The following CLIP2 variants were observed in gnomAD, a reference collection of about 807,000 sequenced individuals.
The protein encoded by CLIP2 is CAP-Gly domain-containing linker protein 2.
CLIP2 carries 41 observed loss-of-function variants against 111.7 expected under a neutral mutation model. The ratio of observed to expected loss-of-function variants is 0.37; its 90% confidence interval spans 0.29 to 0.48. The LOEUF (loss-of-function observed/expected upper bound fraction) is 0.48, where lower values mean the gene tolerates loss of function less well. CLIP2 is among the 20% of genes least tolerant of loss of function. The pLI, the probability that CLIP2 is intolerant of heterozygous loss-of-function variation, is 0.99. For missense variants in CLIP2, 1,160 were observed against 1,422.1 expected (o/e 0.82, Z 2.96); for synonymous variants, 660 against 644.2 (o/e 1.02, Z -0.37).
chr7:74,366,973 C>A (rs1790484341), intron 8 of CLIP2, among the ~76,000 whole-genome samples: 2 of 151,914 alleles, frequency 1.3e-5, no homozygotes, highest in Admixed American at 6.6e-5. Context: ...CCCTGATGCT[C>A]CTTGGCCTGT....
chr7:74,321,848 G>A (rs1420058271), intron 2 of CLIP2, among the ~76,000 whole-genome samples: 1 of 151,952 alleles, frequency 6.6e-6, no homozygotes, highest in Non-Finnish European at 1.5e-5. Flanking sequence ...CATCAGTCAT[G>A]TCCTAGACCT....
intron 1 of CLIP2, among the ~76,000 whole-genome samples, chr7:74,294,797 C>T (rs1411277845): frequency 6.6e-6 from 1 of 152,124 alleles, no homozygotes; most frequent in African/African-American, 2.4e-5. Context: ...CAATATCAGC[C>T]CTTTCCAGAA....
intron 6 of CLIP2, among the ~76,000 whole-genome samples, chr7:74,359,871 TTGA>T (rs1226902103): frequency 2.0e-5 from 3 of 152,138 alleles, no homozygotes; most frequent in Admixed American, 1.3e-4. Context: ...TGGCTGTGCT[TTGA>T]TGGAGCACAG....
At chr7:74,319,216 G>A (rs1214824218) in intron 2 of CLIP2, among the ~76,000 whole-genome samples, 3 of 151,964 alleles carry the variant, frequency 2.0e-5, no homozygotes, top group African/African-American at 2.4e-5. Flanking sequence ...AATTTGATTT[G>A]TTAAGAAAGA....
intron 2 of CLIP2, among the ~76,000 whole-genome samples, chr7:74,334,823 CAAAAAA>C (rs34044824): frequency 2.3e-5 from 3 of 133,064 alleles, no homozygotes; most frequent in Non-Finnish European, 3.1e-5. Flanking sequence ...TAATAAAATA[CAAAAAA>C]AAAAAAAAAA....
intron 1 of CLIP2, among the ~76,000 whole-genome samples, chr7:74,296,217 C>T (rs1788164895): frequency 6.6e-6 from 1 of 152,068 alleles, no homozygotes; most frequent in Admixed American, 6.6e-5. Context: ...AACAACCCTG[C>T]TGTGCCCAGC....
chr7:74,316,041 G>GC (rs1246074372), intron 1 of CLIP2, among the ~76,000 whole-genome samples: 1 of 43,860 alleles, frequency 2.3e-5, no homozygotes, highest in African/African-American at 1.0e-4. Flanking sequence ...CCCTCCCCCC[G>GC]CCCCCACAAC....
At chr7:74,371,687 G>C (rs374806652) in intron 8 of CLIP2, among the ~76,000 whole-genome samples, 3 of 140,188 alleles carry the variant, frequency 2.1e-5, no homozygotes, top group Admixed American at 1.5e-4. Flanking sequence ...AGAGAGACGG[G>C]GGGGAGAAAG....
intron 2 of CLIP2, among the ~76,000 whole-genome samples, chr7:74,336,626 T>C (rs1651682014): frequency 1.3e-5 from 2 of 151,794 alleles, no homozygotes; most frequent in East Asian, 3.9e-4. Context: ...TCCCAAAACG[T>C]GGAAATTATG....
At chr7:74,294,820 C>T (rs1788124897) in intron 1 of CLIP2, among the ~76,000 whole-genome samples, 1 of 152,164 alleles carries the variant, frequency 6.6e-6, no homozygotes. Flanking sequence ...ATTTCAAGGC[C>T]AGACACTTTG....
At chr7:74,295,989 CAAAAAAAAA>C (rs368834820) in intron 1 of CLIP2, among the ~76,000 whole-genome samples, 3 of 70,984 alleles carry the variant, frequency 4.2e-5, no homozygotes, top group African/African-American at 1.2e-4. Context: ...ACCCTGTCTC[CAAAAAAAAA>C]AAAAAAAAAA....
intron 2 of CLIP2, among the ~76,000 whole-genome samples, chr7:74,322,323 G>C (rs958391507): frequency 6.6e-6 from 1 of 150,576 alleles, no homozygotes; most frequent in South Asian, 2.1e-4. Flanking sequence ...TTAAGAGACA[G>C]GATCTTGGCC....
intron 8 of CLIP2, among the ~76,000 whole-genome samples, chr7:74,372,692 C>A (rs1449781704): frequency 6.9e-6 from 1 of 145,270 alleles, no homozygotes; most frequent in Non-Finnish European, 1.5e-5. Context: ...CCTACACTGA[C>A]CCAGCCGGGA....
intron 1 of CLIP2, among the ~76,000 whole-genome samples, chr7:74,308,910 C>T (rs973743117): frequency 6.6e-6 from 1 of 151,970 alleles, no homozygotes; most frequent in African/African-American, 2.4e-5. Context: ...CTCTGTCACC[C>T]AGGCTGGAGT....
chr7:74,318,730 C>T (rs1032180838), intron 2 of CLIP2, among the ~76,000 whole-genome samples: 3 of 152,044 alleles, frequency 2.0e-5, no homozygotes, highest in Admixed American at 6.6e-5. Flanking sequence ...AAATGACGAT[C>T]GTTTGTTACT....
chr7:74,351,282 C>T (rs913474399), intron 3 of CLIP2, among the ~76,000 whole-genome samples: 14 of 151,490 alleles, frequency 9.2e-5, no homozygotes, highest in Non-Finnish European at 1.6e-4. Flanking sequence ...GGCAATGTGA[C>T]GAAACCCCAT....
chr7:74,294,148 C>T (rs1554725761), intron 1 of CLIP2, among the ~76,000 whole-genome samples: 3 of 152,150 alleles, frequency 2.0e-5, no homozygotes, highest in African/African-American at 7.2e-5. Context: ...AACTCCTGAC[C>T]TCAAGTGATC....
intron 1 of CLIP2, among the ~76,000 whole-genome samples, chr7:74,309,194 G>A (rs1788576385): frequency 6.6e-6 from 1 of 151,740 alleles, no homozygotes; most frequent in African/African-American, 2.4e-5. Context: ...GTATGGTTTG[G>A]GCCCAGCATA....
Position 74,397,186 on chromosome 7 carries a change from A to G in CLIP2, c.2833A>G (p.Lys945Glu). 1 of 1,613,862 alleles carries G rather than the reference A, an allele frequency of 6.2e-7. No individual in the cohort carries two copies. Among genetic ancestry groups the G allele is most frequent in the East Asian group, 2.2e-5 (1 of 44,860 alleles). ...GGCTGAGTGGCGGATCAAGGAGCAG[A>G]AACTCAAGGATGACATCCGGGGCCT... ...HKAEWRIKEQ[K>E]LKDDIRGLRE... The change falls in exon 14 of 17, where the codon AAA (lysine) becomes GAA (glutamate). Residue 945 changes from lysine (K) to glutamate (E), a missense_variant. Physicochemically the swap from Lys to Glu is moderately conservative, Grantham distance 56 (BLOSUM62 1). Coordinates refer to ENST00000223398, the MANE Select transcript of CLIP2 (RefSeq NM_003388.5).
Sources: allele counts gnomAD v4.1 joint callset (sites outside exome capture counted in the v4.1 genomes callset), GRCh38; gene constraint gnomAD v4.1.1; transcripts MANE v1.5; gene names NCBI Gene and HGNC (gene_info 2026-07-23, HGNC 2026-07-21).